Variants in GOLGA8T observed in about 807,000 individuals in gnomAD.
GOLGA8T encodes golgin subfamily A member 8T.
In GOLGA8T, 17 loss-of-function variants were observed where a neutral mutation model predicts 52.0. The observed-to-expected ratio is 0.33, with a 90% CI of 0.22 to 0.49. GOLGA8T has a LOEUF of 0.49. Ranked by LOEUF, GOLGA8T falls within the 20% of genes least tolerant of loss-of-function variation. The pLI is 0.99. For synonymous variants in GOLGA8T, 67 were observed against 169.5 expected (o/e 0.40, Z 4.70); for missense variants, 154 against 462.1 (o/e 0.33, Z 6.11).
chr15:30,137,188 T>C (rs1163503325), intron 2 of GOLGA8T, among the ~76,000 whole-genome samples: 3 of 146,564 alleles, frequency 2.0e-5, no homozygotes, highest in African/African-American at 7.8e-5. Context: ...CCATCCTGGT[T>C]AACACGGTGA....
At chr15:30,140,673 TC>T (rs1290979371) in intron 8 of GOLGA8T, among the ~76,000 whole-genome samples, 168 bp from the exon 9 acceptor site, 1 of 145,732 alleles carries the variant, frequency 6.9e-6, no homozygotes. Context: ...TCATTCCCTG[TC>T]CGTTCCAACT....
chr15:30,148,688 A>G lies in GOLGA8T; in HGVS notation c.*3121A>G, dbSNP rs2057848280. ...TGGAAATACTGAAAGATTTTTCCCT[A>G]GAGTGGCCTTATTGACTGCTGGTGT... On this transcript the variant is annotated 3_prime_UTR_variant, in exon 19 of 19. Coordinates refer to ENST00000569052, the MANE Select transcript of GOLGA8T (RefSeq NM_001355469.2). Among the ~76,000 whole-genome samples, 1 of 146,672 alleles carries G rather than the reference A, an allele frequency of 6.8e-6. No individual in the cohort carries two copies. Among genetic ancestry groups the G allele is most frequent in the Non-Finnish European group, 1.5e-5 (1 of 67,264 alleles).
rs908537589 is a variant in GOLGA8T, at chr15:30,146,179, TG to T, written c.*617del. ...ATTGGTGATGGGAGTGATAACCTTTTGGGGGAGCTTTTTAAATCTCACAGAA... is the reference window on the plus strand; with the variant it reads ...ATTGGTGATGGGAGTGATAACCTTTTGGGGAGCTTTTTAAATCTCACAGAA... On this transcript the variant is annotated 3_prime_UTR_variant, in exon 19 of 19. Transcript: ENST00000569052. 2.0e-4 allele frequency among the ~76,000 whole-genome samples: 8 copies of T among 39,864 alleles called. No individual in the cohort carries two copies. 26.2% of individuals were successfully genotyped at this position (39,864 alleles called of 152,430 possible).
chr15:30,145,355 C>T, intron 18 of GOLGA8T, 37 bp from the exon 19 acceptor site: 1 of 1,426,084 alleles, frequency 7.0e-7, no homozygotes, highest in Non-Finnish European at 9.3e-7. Flanking sequence ...GAGGGGGCTC[C>T]CACTGTGCTC....
rs1271929490 is a variant in GOLGA8T, at chr15:30,142,768, C to G, written c.1200+386C>G. 1.9e-4 allele frequency among the ~76,000 whole-genome samples: 20 copies of G among 108,016 alleles called. 1 individual carries two copies. The highest frequency in any genetic ancestry group is 3.1e-4 in the Non-Finnish European group (18 of 58,780). The allele number at this position is 108,016 out of a possible 152,430, so 70.9% of individuals were successfully genotyped here. A position where few individuals can be genotyped will look rare whatever the true frequency, so the allele number is the denominator to read the frequency against. ...CCTGGCCAATGTGGTAAAACCTCATCTCTACTAAAATTACAAAAAAAAAAA... is the reference window on the plus strand; with the variant it reads ...CCTGGCCAATGTGGTAAAACCTCATGTCTACTAAAATTACAAAAAAAAAAA... On this transcript the variant is annotated intron_variant, in intron 13 of 18. Transcript: ENST00000569052.
At chr15:30,140,709 A>G in intron 8 of GOLGA8T, 133 bp from the exon 9 acceptor site, 2 of 793,276 alleles carry the variant, frequency 2.5e-6, no homozygotes, top group Middle Eastern at 3.7e-4. Flanking sequence ...TAAAAACCAG[A>G]CCACGGGCTT....
chr15:30,140,838 C>G lies in GOLGA8T; in HGVS notation c.592-4C>G. 1 of 1,551,020 alleles carries G rather than the reference C, an allele frequency of 6.4e-7. No homozygotes were observed. The highest frequency in any genetic ancestry group is 2.3e-5 in the East Asian group (1 of 43,872). ...ATTGAAACTTCTCACTCTTCACCATCCAGTTGTCCAGCCGCAGCAAAGCAC... is the reference window on the plus strand; with the variant it reads ...ATTGAAACTTCTCACTCTTCACCATGCAGTTGTCCAGCCGCAGCAAAGCAC... On this transcript the variant is annotated splice_region_variant and splice_polypyrimidine_tract_variant and intron_variant, in intron 8 of 18. Transcript: ENST00000569052.
chr15:30,140,144 C>CGTGTGTGA (rs1426500062), intron 8 of GOLGA8T: 8 of 409,394 alleles, frequency 2.0e-5, no homozygotes, highest in African/African-American at 4.7e-5. Flanking sequence ...AAAGAGGAAA[C>CGTGTGTGA]GTGTGTGCGT....
intron 13 of GOLGA8T, 53 bp downstream of exon 13, chr15:30,142,435 G>A: frequency 1.3e-6 from 2 of 1,581,740 alleles, no homozygotes; most frequent in Non-Finnish European, 1.7e-6. Context: ...GAGGCGGGCA[G>A]CAGACTCTGG....
At chr15:30,140,683 C>T (rs994374053) in intron 8 of GOLGA8T, among the ~76,000 whole-genome samples, 159 bp from the exon 9 acceptor site, 5 of 145,618 alleles carry the variant, frequency 3.4e-5, no homozygotes, top group African/African-American at 1.4e-4. Context: ...TCCGTTCCAA[C>T]TTTACTGAGT....
Position 30,145,599 on chromosome 15 carries a change from A to G in GOLGA8T, c.*32A>G. 8.3e-7 allele frequency: 1 copy of G among 1,210,188 alleles called. No homozygotes were observed. Among genetic ancestry groups the G allele is most frequent in the East Asian group, 2.4e-5 (1 of 41,130 alleles). The allele number at this position is 1,210,188 out of a possible 1,614,324, so 75.0% of individuals were successfully genotyped here. A position where few individuals can be genotyped will look rare whatever the true frequency, so the allele number is the denominator to read the frequency against. Reference sequence around the variant, plus strand: ...CCATCCTCAAAGAGCTGCTCAAGAAATTTTTAAATAAGAAACCAAGTTATG... The same window carrying G: ...CCATCCTCAAAGAGCTGCTCAAGAAGTTTTTAAATAAGAAACCAAGTTATG... On this transcript the variant is annotated 3_prime_UTR_variant, in exon 19 of 19. Transcript: ENST00000569052.
chr15:30,144,860 C>T lies in GOLGA8T; in HGVS notation c.1450C>T (p.Arg484Ter), dbSNP rs530177438. Residue 484 changes from arginine to a stop codon, truncating the protein, a stop_gained, in exon 16 of 19, where the codon CGA (arginine) becomes TGA (stop). Transcript: ENST00000569052. LOFTEE classifies it high-confidence loss of function. Reference protein sequence around the residue: ...KKELCFIHHWRDRRHQKTHHL... With the variant: ...KKELCFIHHW ...AGAACTCTGCTTCATCCACCACTGG[C>T]GAGACAGACGCCATCAGTGAGTGGG... 4.2e-5 allele frequency: 66 copies of T among 1,582,872 alleles called. 1 individual carries two copies. The highest frequency in any genetic ancestry group is 4.9e-5 in the Non-Finnish European group (57 of 1,170,330).
chr15:30,141,670 G>A (rs942457871), intron 11 of GOLGA8T, 132 bp from the exon 12 acceptor site: 2 of 789,780 alleles, frequency 2.5e-6, no homozygotes, highest in Admixed American at 2.7e-5. Flanking sequence ...TGGAAGACTG[G>A]CTACCATCTG....
In GOLGA8T at chr15:30,141,392, G is replaced by T. The variant is rs1253928767; in HGVS notation, c.841G>T (p.Glu281Ter). ...AGATATGCGTCGGGTAGAGGAGCTG[G>T]AGAGGAGCTTGTCCAAACTCAAAAA... ...QQDMRRVEEL[E>*]RSLSKLKNQM... Residue 281 changes from glutamate (E) to a stop codon, truncating the protein, a stop_gained, in exon 11 of 19, where the codon GAG becomes TAG. Coordinates refer to ENST00000569052, the MANE Select transcript of GOLGA8T (RefSeq NM_001355469.2). LOFTEE classifies it high-confidence loss of function. 1.9e-6 allele frequency: 3 copies of T among 1,541,938 alleles called. No individual in the cohort carries two copies. The highest frequency in any genetic ancestry group is 2.6e-6 in the Non-Finnish European group (3 of 1,157,838).
chr15:30,144,645 G>A, intron 15 of GOLGA8T, 134 bp from the exon 16 acceptor site: 1 of 1,225,984 alleles, frequency 8.2e-7, no homozygotes, highest in South Asian at 1.5e-5. Flanking sequence ...TGAGTAGGGA[G>A]ACCCACTGGG....
chr15:30,144,583 G>GAGCCAGAGGC (rs1274928396), intron 15 of GOLGA8T, among the ~76,000 whole-genome samples, 196 bp from the exon 16 acceptor site: 3 of 134,484 alleles, frequency 2.2e-5, no homozygotes, highest in Admixed American at 2.1e-4. Context: ...GGCCCAGAAG[G>GAGCCAGAGGC]AGCCAGAGGC....
chr15:30,140,253 G>C, intron 8 of GOLGA8T: 1 of 394,580 alleles, frequency 2.5e-6, no homozygotes, highest in South Asian at 2.1e-5. Context: ...CAACAAGATG[G>C]CCGGGAGATA....
intron 13 of GOLGA8T, 62 bp downstream of exon 13, chr15:30,142,444 G>A (rs2338478): frequency 1.9e-6 from 3 of 1,581,324 alleles, no homozygotes; most frequent in East Asian, 2.3e-5. Flanking sequence ...AGCAGACTCT[G>A]GGGAGGGGAG....
Position 30,142,007 on chromosome 15 carries a change from G to A in GOLGA8T, c.1080G>A (p.Gln360=), listed in dbSNP as rs2057750336. ...LRKQEERIQE[Q]HKSLQQLAKP... is the part of the protein sequence containing the mutation. ...AGCAGGAGGAGAGGATTCAGGAGCAGCACAAGAGCCTTCAGCAGCTGGCCA... is the reference window on the plus strand; with the variant it reads ...AGCAGGAGGAGAGGATTCAGGAGCAACACAAGAGCCTTCAGCAGCTGGCCA... The change falls in exon 12 of 19, where the codon CAG becomes CAA. Residue 360 remains glutamine, a synonymous_variant. Transcript: ENST00000569052. 4 of 422,406 alleles carry A rather than the reference G, an allele frequency of 9.5e-6. 1 individual carries two copies. The highest frequency in any genetic ancestry group is 6.8e-5 in the South Asian group (3 of 43,920). The allele number at this position is 422,406 out of a possible 1,614,324, so 26.2% of individuals were successfully genotyped here. A position where few individuals can be genotyped will look rare whatever the true frequency, so the allele number is the denominator to read the frequency against.
Sources: allele counts gnomAD v4.1 joint callset (sites outside exome capture counted in the v4.1 genomes callset), GRCh38; gene constraint gnomAD v4.1.1; transcripts MANE v1.5; gene names NCBI Gene and HGNC (gene_info 2026-07-23, HGNC 2026-07-21).